The following TMEM132B variants were observed in gnomAD, a reference collection of about 807,000 sequenced individuals.
The protein encoded by TMEM132B is transmembrane protein 132B.
In TMEM132B, 18 loss-of-function variants were observed where a neutral mutation model predicts 90.8. The ratio of observed to expected loss-of-function variants is 0.20; its 90% CI spans 0.14 to 0.29. The LOEUF (loss-of-function observed/expected upper bound fraction) is 0.29. Among genes scored for constraint, TMEM132B ranks in the 10% least tolerant of loss-of-function variants. The pLI is 1.00. For synonymous variants in TMEM132B, 504 were observed against 523.3 expected, an observed-to-expected ratio of 0.96 and a Z score of 0.50; for missense variants, 1,096 against 1,326.8, an observed-to-expected ratio of 0.83 and a Z score of 2.70.
intron 3 of TMEM132B, among the ~76,000 whole-genome samples, chr12:125,424,144 A>G (rs755414493): frequency 4.6e-5 from 7 of 152,088 alleles, no homozygotes; most frequent in Non-Finnish European, 1.0e-4. Flanking sequence ...GGCCATTTTT[A>G]TGAGGTTGCA....
chr12:125,521,434 A>G (rs1484594359), intron 4 of TMEM132B, among the ~76,000 whole-genome samples: 2 of 152,244 alleles, frequency 1.3e-5, no homozygotes, highest in Non-Finnish European at 2.9e-5. Flanking sequence ...TAATGTACAA[A>G]AAATGGGCTC....
chr12:125,303,196 C>T (rs1445354296), intron 1 of TMEM132B, among the ~76,000 whole-genome samples: 1 of 152,044 alleles, frequency 6.6e-6, no homozygotes, highest in East Asian at 1.9e-4. Context: ...CTTTTTGTCT[C>T]TATAACTTTG....
chr12:125,569,046 C>T (rs543954242), intron 4 of TMEM132B, among the ~76,000 whole-genome samples: 1 of 152,166 alleles, frequency 6.6e-6, no homozygotes, highest in Non-Finnish European at 1.5e-5. Flanking sequence ...CCTCAAGAGG[C>T]TCAGTTTCCT....
chr12:125,245,719 C>T (rs1337697829), intron 1 of TMEM132B, among the ~76,000 whole-genome samples: 1 of 152,170 alleles, frequency 6.6e-6, no homozygotes, highest in Admixed American at 6.5e-5. Context: ...GGGAACAGGC[C>T]TGGCAGCATT....
At chr12:125,422,861 C>T (rs1376429580) in intron 3 of TMEM132B, among the ~76,000 whole-genome samples, 4 of 152,214 alleles carry the variant, frequency 2.6e-5, no homozygotes, top group Non-Finnish European at 5.9e-5. Flanking sequence ...CTTTGGATCT[C>T]TGGCTGCCAG....
At chr12:125,467,293 C>T (rs1881588799) in intron 3 of TMEM132B, among the ~76,000 whole-genome samples, 1 of 152,124 alleles carries the variant, frequency 6.6e-6, no homozygotes, top group African/African-American at 2.4e-5. Flanking sequence ...AGTGGTGAAG[C>T]AAAGGTTCTG....
intron 6 of TMEM132B, 137 bp downstream of exon 6, chr12:125,644,418 C>T: frequency 1.2e-6 from 1 of 841,844 alleles, no homozygotes; most frequent in Non-Finnish European, 1.8e-6. Context: ...GCTTTGGGTT[C>T]AGATGGATCT....
At chr12:125,554,301 T>A (rs1000757373) in intron 4 of TMEM132B, among the ~76,000 whole-genome samples, 2 of 151,374 alleles carry the variant, frequency 1.3e-5, no homozygotes, top group Admixed American at 6.6e-5. Context: ...GGTGGGCGCC[T>A]GTAGTCCCAG....
intron 1 of TMEM132B, among the ~76,000 whole-genome samples, chr12:125,329,007 G>C (rs953494618): frequency 6.6e-6 from 1 of 152,084 alleles, no homozygotes; most frequent in South Asian, 2.1e-4. Flanking sequence ...CTGAATGTTC[G>C]CATTCTCCCC....
At chr12:125,196,300 A>G (rs1022125109) in intron 1 of TMEM132B, among the ~76,000 whole-genome samples, 2 of 152,270 alleles carry the variant, frequency 1.3e-5, no homozygotes, top group Non-Finnish European at 2.9e-5. Flanking sequence ...GAAATTAACA[A>G]ACAGAACAAC....
chr12:125,257,391 C>G (rs1434570468), intron 1 of TMEM132B, among the ~76,000 whole-genome samples: 8 of 152,234 alleles, frequency 5.3e-5, no homozygotes, highest in Admixed American at 5.2e-4. Flanking sequence ...ACCAAGCAGG[C>G]TTTTCTGCGT....
intron 4 of TMEM132B, among the ~76,000 whole-genome samples, chr12:125,549,283 C>T (rs2136753985): frequency 6.6e-6 from 1 of 152,330 alleles, no homozygotes. Context: ...TAATGACTTT[C>T]AGTGAGTCCG....
chr12:125,231,195 C>T (rs1242834512), intron 1 of TMEM132B, among the ~76,000 whole-genome samples: 1 of 151,214 alleles, frequency 6.6e-6, no homozygotes, highest in Non-Finnish European at 1.5e-5. Flanking sequence ...TCTGTCTTCA[C>T]GTGGCTGTCT....
At chr12:125,266,630 G>A (rs1316046041) in intron 1 of TMEM132B, among the ~76,000 whole-genome samples, 1 of 152,242 alleles carries the variant, frequency 6.6e-6, no homozygotes, top group Non-Finnish European at 1.5e-5. Context: ...GGTTGGGGCT[G>A]AGGGTCAGGT....
At chr12:125,399,356 C>T (rs922652749) in intron 2 of TMEM132B, among the ~76,000 whole-genome samples, 1 of 151,966 alleles carries the variant, frequency 6.6e-6, no homozygotes, top group Non-Finnish European at 1.5e-5. Context: ...TAAAACATGC[C>T]GTAGGCTGGG....
chr12:125,487,368 G>C lies in TMEM132B; in HGVS notation c.1107-32071G>C, dbSNP rs145229571. On this transcript the variant is annotated intron_variant, in intron 3 of 8. Transcript: ENST00000682704. Reference sequence around the variant, plus strand: ...CTATTATAGCTCGTTGTACTAGTTAGGGTAATTAATGTTAGCTGCTGTAAC... The same window carrying C: ...CTATTATAGCTCGTTGTACTAGTTACGGTAATTAATGTTAGCTGCTGTAAC... Among the ~76,000 whole-genome samples, 2 of 152,210 alleles carry C rather than the reference G, an allele frequency of 1.3e-5. 1 individual carries two copies. Among genetic ancestry groups the C allele is most frequent in the Non-Finnish European group, 2.9e-5 (2 of 68,002 alleles).
chr12:125,364,453 T>C (rs1372976815), intron 2 of TMEM132B, among the ~76,000 whole-genome samples: 1 of 152,194 alleles, frequency 6.6e-6, no homozygotes, highest in Non-Finnish European at 1.5e-5. Flanking sequence ...TCAATCCATC[T>C]TATTTTCTGA....
rs117231087 is a variant in TMEM132B, at chr12:125,597,824, T to C, written c.1437+13830T>C. Among the ~76,000 whole-genome samples the C allele has an allele frequency of 1.1e-3, 174 of 152,264 alleles. 1 individual carries two copies. Among genetic ancestry groups the C allele is most frequent in the Non-Finnish European group, 1.9e-3 (132 of 68,004 alleles). On this transcript the variant is annotated intron_variant, in intron 5 of 8. Transcript: ENST00000682704. ...ATAACAGAAATATTTTCTCCATTGCTAAAGTTTAGAGAGTTAGGTGTCCAA... is the reference window on the plus strand; with the variant it reads ...ATAACAGAAATATTTTCTCCATTGCCAAAGTTTAGAGAGTTAGGTGTCCAA...
At chr12:125,339,890 G>A (rs1055037890) in intron 1 of TMEM132B, among the ~76,000 whole-genome samples, 6 of 152,206 alleles carry the variant, frequency 3.9e-5, no homozygotes, top group East Asian at 1.9e-4. Context: ...GGACTTGAAC[G>A]TATGAATTTG....
Sources: allele counts gnomAD v4.1 joint callset (sites outside exome capture counted in the v4.1 genomes callset), GRCh38; gene constraint gnomAD v4.1.1; transcripts MANE v1.5; gene names NCBI Gene and HGNC (gene_info 2026-07-23, HGNC 2026-07-21).